SLC25A25: variants seen among roughly 807,000 people sequenced by gnomAD.
SLC25A25 encodes solute carrier family 25 member 25.
SLC25A25 carries 32 observed loss-of-function variants against 57.7 expected under a neutral mutation model. The observed-to-expected ratio is 0.55, with a 90% CI of 0.42 to 0.74. SLC25A25 has a LOEUF of 0.74. Among genes scored for constraint, SLC25A25 ranks in the 30% least tolerant of loss-of-function variants. The pLI is 0.00. For missense variants in SLC25A25, 556 were observed against 701.3 expected, an observed-to-expected ratio of 0.79 and a Z score of 2.34; for synonymous variants, 306 against 291.2, an observed-to-expected ratio of 1.05 and a Z score of -0.52.
At position 128,103,713 on chromosome 9, in the gene SLC25A25, G is replaced by C. The variant is rs201869990; in HGVS notation, c.657G>C (p.Pro219=). The C allele has an allele frequency of 1.2e-6, 2 of 1,614,074 alleles. No individual in the cohort carries two copies. The highest frequency in any genetic ancestry group is 1.7e-6 in the Non-Finnish European group (2 of 1,180,042). ...IFDVGENLTV[P]DEFTVEERQT... ...ATGTGGGTGAGAATCTAACGGTCCC[G>C]GATGAGTTCACAGTGGAGGAGAGGC... The change falls in exon 6 of 11, where the codon CCG becomes CCC. Residue 219 remains proline (P), a synonymous_variant. Coordinates refer to ENST00000373069, the MANE Select transcript of SLC25A25 (RefSeq NM_001330988.2). This position sits in a 1 kb window ranked among gnomAD's most constrained non-coding sequence, Gnocchi z 6.7.
intron 1 of SLC25A25, among the ~76,000 whole-genome samples, chr9:128,096,249 C>T (rs992592883): frequency 6.6e-6 from 1 of 152,220 alleles, no homozygotes; most frequent in Admixed American, 6.5e-5. Flanking sequence ...TGGCTCATAC[C>T]TGTAATCCTA....
intron 1 of SLC25A25, chr9:128,091,329 C>A: frequency 1.6e-6 from 1 of 626,000 alleles, no homozygotes; most frequent in Non-Finnish European, 2.0e-6. Flanking sequence ...TTCATGCAGG[C>A]AATCAGCTGC....
At chr9:128,083,927 C>G (rs1379968870) in intron 1 of SLC25A25, among the ~76,000 whole-genome samples, 4 of 152,154 alleles carry the variant, frequency 2.6e-5, no homozygotes. Context: ...CTGCGTTGTT[C>G]TTCTAAGACT....
At chr9:128,081,879 C>T in intron 1 of SLC25A25, among the ~76,000 whole-genome samples, 1 of 151,852 alleles carries the variant, frequency 6.6e-6, no homozygotes, top group Non-Finnish European at 1.5e-5. Flanking sequence ...CATGATCATA[C>T]CTGCACTCCA....
At chr9:128,070,218 G>C (rs1832875418) in intron 1 of SLC25A25, among the ~76,000 whole-genome samples, 1 of 147,552 alleles carries the variant, frequency 6.8e-6, no homozygotes, top group Non-Finnish European at 1.5e-5. Context: ...AGCCTCCCTA[G>C]TAGCTGGGAC....
At chr9:128,068,668 G>A (rs1832835411) in intron 1 of SLC25A25, 88 bp downstream of exon 1, 1 of 1,325,714 alleles carries the variant, frequency 7.5e-7, no homozygotes, top group Non-Finnish European at 9.7e-7. Context: ...CTTGGGCTGG[G>A]CGGAACCCCC....
rs1242730894 is a variant in SLC25A25, at chr9:128,099,496, C to T, written c.262-1600C>T. 6.0e-6 allele frequency: 5 copies of T among 827,420 alleles called. No homozygotes were observed. The highest frequency in any genetic ancestry group is 1.2e-4 in the East Asian group (1 of 8,668). The allele number at this position is 827,420 out of a possible 1,614,324, so 51.3% of individuals were successfully genotyped here. On this transcript the variant is annotated intron_variant, in intron 1 of 10. Transcript: ENST00000373069. This position sits in a 1 kb window ranked among gnomAD's most constrained non-coding sequence, Gnocchi z 6.8. ...CCCAGAGGGCTCCATGCCTGATGTT[C>T]GCCTCCTGCCTAAATGGCTTGTCCA...
intron 1 of SLC25A25, among the ~76,000 whole-genome samples, chr9:128,080,356 A>T (rs1407998005): frequency 4.6e-5 from 7 of 150,844 alleles, no homozygotes; most frequent in African/African-American, 1.2e-4. Flanking sequence ...TCCCAAAAAA[A>T]AAAAAAAAAA....
At chr9:128,068,724 A>C (rs1832836783) in intron 1 of SLC25A25, 144 bp downstream of exon 1, 1 of 942,998 alleles carries the variant, frequency 1.1e-6, no homozygotes, top group Non-Finnish European at 1.4e-6. Context: ...GGGACACCCC[A>C]CTTATGCCCT....
At position 128,103,743 on chromosome 9, in the gene SLC25A25, G is replaced by A. The variant is rs772842561; in HGVS notation, c.687G>A (p.Thr229=). Residue 229 remains threonine (T), a synonymous_variant, in exon 6 of 11, where the codon ACG becomes ACA. Coordinates refer to ENST00000373069, the MANE Select transcript of SLC25A25 (RefSeq NM_001330988.2). This position sits in a 1 kb window ranked among gnomAD's most constrained non-coding sequence, Gnocchi z 6.7. ...AGTTCACAGTGGAGGAGAGGCAGAC[G>A]GGGATGTGGTGGAGACACCTGGTGG... ...PDEFTVEERQ[T]GMWWRHLVAG... is the part of the protein sequence containing the mutation. The A allele has an allele frequency of 3.1e-6, 5 of 1,614,062 alleles. No individual in the cohort carries two copies. Among genetic ancestry groups the A allele is most frequent in the African/African-American group, 1.3e-5 (1 of 74,940 alleles).
At chr9:128,104,641 T>C (rs1424889559) in intron 6 of SLC25A25, among the ~76,000 whole-genome samples, 1 of 152,112 alleles carries the variant, frequency 6.6e-6, no homozygotes, top group East Asian at 1.9e-4. Context: ...TTATCAGGAA[T>C]GTTGTAGAGA....
intron 6 of SLC25A25, among the ~76,000 whole-genome samples, chr9:128,104,331 GCCA>G (rs1833929016): frequency 1.3e-5 from 2 of 152,206 alleles, no homozygotes; most frequent in Non-Finnish European, 2.9e-5. Context: ...ATGGTGACTG[GCCA>G]CCACTTGTCC....
At position 128,107,067 on chromosome 9, in the gene SLC25A25, C is replaced by T; in HGVS notation, c.1251C>T (p.Asn417=). Residue 417 remains asparagine (N), a synonymous_variant, in exon 10 of 11, where the codon AAC becomes AAT. Transcript: ENST00000373069. ...CCTGGCTGCAGCACTATGCAGTGAACAGCGCGGACCCCGGCGTGTTTGTGC... is the reference window on the plus strand; with the variant it reads ...CCTGGCTGCAGCACTATGCAGTGAATAGCGCGGACCCCGGCGTGTTTGTGC... ...KNAWLQHYAV[N]SADPGVFVLL... is the part of the protein sequence containing the mutation. 3 of 1,614,156 alleles carry T rather than the reference C, an allele frequency of 1.9e-6. No homozygotes were observed. Among genetic ancestry groups the T allele is most frequent in the Non-Finnish European group, 2.5e-6 (3 of 1,180,022 alleles).
chr9:128,093,206 C>T (rs376069428), intron 1 of SLC25A25, among the ~76,000 whole-genome samples: 1 of 124,172 alleles, frequency 8.1e-6, no homozygotes, highest in Non-Finnish European at 1.7e-5. Flanking sequence ...TTGATGGGTT[C>T]CTTCTGAGCA....
chr9:128,083,676 ATT>A (rs11367855), intron 1 of SLC25A25, among the ~76,000 whole-genome samples: 17 of 143,216 alleles, frequency 1.2e-4, no homozygotes, highest in South Asian at 2.2e-4. Context: ...CGCCCAGCGA[ATT>A]TTTTTTTTTT....
chr9:128,087,621 T>C (rs908175255), intron 1 of SLC25A25, among the ~76,000 whole-genome samples: 4 of 152,210 alleles, frequency 2.6e-5, no homozygotes, highest in Admixed American at 1.3e-4. Flanking sequence ...TTTGGAGAAA[T>C]ATTTGGCCAT....
Position 128,101,963 on chromosome 9 carries a change from G to A in SLC25A25, c.477-117G>A, listed in dbSNP as rs938733255. 5.0e-5 allele frequency: 60 copies of A among 1,191,462 alleles called. No individual in the cohort carries two copies. Among genetic ancestry groups the A allele is most frequent in the Non-Finnish European group, 6.4e-5 (54 of 839,092 alleles). 73.8% of individuals were successfully genotyped at this position (1,191,462 alleles called of 1,614,324 possible). ...TGGGCTCAGCTGCTGTGGCGGGCTC[G>A]TCTCGTGCCGTGCTGTGCCCCTGTC... On this transcript the variant is annotated intron_variant, in intron 3 of 10. Transcript: ENST00000373069. This position sits in a 1 kb window ranked among gnomAD's most constrained non-coding sequence, Gnocchi z 4.9.
chr9:128,069,753 TTTTG>T (rs977474006), intron 1 of SLC25A25, among the ~76,000 whole-genome samples: 14 of 152,126 alleles, frequency 9.2e-5, no homozygotes, highest in Non-Finnish European at 1.5e-4. Context: ...GACAAGTTTT[TTTTG>T]TTTGTTTGTT....
intron 1 of SLC25A25, among the ~76,000 whole-genome samples, chr9:128,069,107 T>G (rs1169472722): frequency 1.3e-5 from 2 of 152,254 alleles, no homozygotes; most frequent in Non-Finnish European, 2.9e-5. Context: ...TCTCATGGTT[T>G]AGGCTCATCT....
Sources: gnomAD v4.1 joint callset for allele counts (sites outside exome capture counted in the v4.1 genomes callset) on GRCh38, gnomAD v4.1.1 for gene constraint, Gnocchi (gnomAD v3.1) non-coding constraint, MANE v1.5 for transcripts, NCBI Gene and HGNC (gene_info 2026-07-23, HGNC 2026-07-21) for gene names.